The following SGO2 variants were observed in gnomAD, a reference collection of about 807,000 sequenced individuals.
SGO2 encodes the protein shugoshin-like 2.
A neutral mutation model predicts 99.5 loss-of-function variants in SGO2; 68 were observed. The observed-to-expected ratio is 0.68, with a 90% CI of 0.56 to 0.84. The LOEUF (loss-of-function observed/expected upper bound fraction) is 0.84, where lower values mean the gene tolerates loss of function less well. SGO2 is among the 40% of genes least tolerant of loss of function. The probability of loss-of-function intolerance (pLI) is 0.00; values close to 1 mark genes in which losing one functional copy is unlikely to be tolerated. For synonymous variants in SGO2, 457 were observed against 487.1 expected (o/e 0.94, Z 0.81); for missense variants, 1,350 against 1,436.7 (o/e 0.94, Z 0.97).
rs373801254 is a variant in SGO2, at chr2:200,574,058, G to A, written c.3631+81G>A. ...TTTCGTTTTTTACTTAGCCAGTGAA[G>A]TATTTTCTAACTGGTATTTTTATGG... On this transcript the variant is annotated intron_variant, in intron 7 of 8. Coordinates refer to ENST00000357799, the MANE Select transcript of SGO2 (RefSeq NM_152524.6). The A allele has an allele frequency of 2.3e-4, 252 of 1,104,402 alleles. 1 individual carries two copies. The African/African-American group carries it at 3.7e-3, about 16-fold the overall frequency. 68.4% of individuals were successfully genotyped at this position (1,104,402 alleles called of 1,614,324 possible). A position where few individuals can be genotyped will look rare whatever the true frequency, so the allele number is the denominator to read the frequency against.
In SGO2 at chr2:200,571,540, C is replaced by T. The variant is rs1392422812; in HGVS notation, c.1194C>T (p.Phe398=). Reference sequence around the variant, plus strand: ...CAAATGAACATGGAATGAAAACTTTCAGAAAAGTGAAAGATTCCAGCTCTG... The same window carrying T: ...CAAATGAACATGGAATGAAAACTTTTAGAAAAGTGAAAGATTCCAGCTCTG... ...KKTNEHGMKT[F]RKVKDSSSEK... Residue 398 remains phenylalanine, a synonymous_variant, in exon 7 of 9, where the codon TTC becomes TTT. Transcript: ENST00000357799. 6.2e-7 allele frequency: 1 copy of T among 1,612,082 alleles called. No individual in the cohort carries two copies. Among genetic ancestry groups the T allele is most frequent in the East Asian group, 2.2e-5 (1 of 44,846 alleles).
Position 200,532,979 on chromosome 2 carries a change from G to C in SGO2, c.4G>C (p.Glu2Gln). ...TTTTTTTTCTTTCACTTCAGTGATG[G>C]AGTGCCCAGTGATGGAAACTGGCTC... Reference protein sequence around the residue: MECPVMETGSLF... With the variant: MQCPVMETGSLF... The change falls in exon 2 of 9, where the codon GAG becomes CAG. Residue 2 changes from glutamate (E) to glutamine (Q), a missense_variant. Physicochemically the swap from Glu to Gln is conservative, Grantham distance 29. Transcript: ENST00000357799. 6.2e-7 allele frequency: 1 copy of C among 1,606,704 alleles called. No individual in the cohort carries two copies.
Position 200,571,631 on chromosome 2 carries a change from A to G in SGO2, c.1285A>G (p.Ile429Val), listed in dbSNP as rs1327286269. ...NSSDVDIGEK[I>V]ENRTERSDVL... is the part of the protein sequence containing the mutation. ...TTCAGATGTCGATATTGGGGAAAAG[A>G]TTGAAAACAGGACAGAAAGATCTGA... The change falls in exon 7 of 9, where the codon ATT becomes GTT. Residue 429 changes from isoleucine to valine, a missense_variant. By Grantham distance (29) the Ile-to-Val change is conservative. Transcript: ENST00000357799. 22 of 1,613,098 alleles carry G rather than the reference A, an allele frequency of 1.4e-5. No homozygotes were observed. Among genetic ancestry groups the G allele is most frequent in the Non-Finnish European group, 1.9e-5 (22 of 1,179,628 alleles).
rs1456939734 is a variant in SGO2, at chr2:200,526,377, T to C, written c.-3+125T>C. 6.6e-6 allele frequency: 1 copy of C among 152,292 alleles called. No homozygotes were observed. The highest frequency in any genetic ancestry group is 1.5e-5 in the Non-Finnish European group (1 of 68,092). 9.4% of individuals were successfully genotyped at this position (152,292 alleles called of 1,614,324 possible). A position where few individuals can be genotyped will look rare whatever the true frequency, so the allele number is the denominator to read the frequency against. On this transcript the variant is annotated intron_variant, in intron 1 of 8. Coordinates refer to ENST00000357799, the MANE Select transcript of SGO2 (RefSeq NM_152524.6). This position sits in a 1 kb window ranked among gnomAD's most constrained non-coding sequence, Gnocchi z 4.8. ...CCGGCTCGTCTTCCGCCCTCTGTCCTCCGGGATCCGGGACGGCGGCCCCTC... is the reference window on the plus strand; with the variant it reads ...CCGGCTCGTCTTCCGCCCTCTGTCCCCCGGGATCCGGGACGGCGGCCCCTC...
At chr2:200,576,040 G>A (rs947419776) in intron 8 of SGO2, 1 of 381,346 alleles carries the variant, frequency 2.6e-6, no homozygotes, top group South Asian at 2.0e-5. Flanking sequence ...AAAACACTTC[G>A]ATATATCTCT....
chr2:200,537,645 G>A lies in SGO2; in HGVS notation c.387+1503G>A, dbSNP rs1322379417. 3.9e-5 allele frequency among the ~76,000 whole-genome samples: 6 copies of A among 152,204 alleles called. No individual in the cohort carries two copies. In the South Asian group the frequency reaches 1.2e-3, roughly 32 times the overall value. ...AGTTTTGGGAATGCCTTATGACTCA[G>A]TTCTTGGACTTCTCTTTTCTATCTA... is the stretch of plus-strand genomic sequence containing the variant. On this transcript the variant is annotated intron_variant, in intron 4 of 8. Transcript: ENST00000357799.
chr2:200,564,105 T>G (rs1318364264), intron 5 of SGO2, among the ~76,000 whole-genome samples: 1 of 152,242 alleles, frequency 6.6e-6, no homozygotes, highest in East Asian at 1.9e-4. Context: ...TTTGCTAGCT[T>G]TTGAATGTGT....
rs1559219724 is a variant in SGO2, at chr2:200,573,951, A to G, written c.3605A>G (p.Asn1202Ser). 29 of 1,592,604 alleles carry G rather than the reference A, an allele frequency of 1.8e-5. No individual in the cohort carries two copies. Among genetic ancestry groups the G allele is most frequent in the Non-Finnish European group, 2.5e-5 (29 of 1,173,350 alleles). ...EKMNKMKFKV[N>S]RRTQKSGIGD... ...ATGAACAAGATGAAATTTAAAGTCAACCGGAGAACCCAAAAATCAGGAATA... is the reference window on the plus strand; with the variant it reads ...ATGAACAAGATGAAATTTAAAGTCAGCCGGAGAACCCAAAAATCAGGAATA... Residue 1202 changes from asparagine (N) to serine (S), a missense_variant, in exon 7 of 9, where the codon AAC (asparagine) becomes AGC (serine). By Grantham distance (46) the Asn-to-Ser change is conservative. Transcript: ENST00000357799.
At chr2:200,577,081 G>A (rs1006740321) in intron 8 of SGO2, among the ~76,000 whole-genome samples, 2 of 151,398 alleles carry the variant, frequency 1.3e-5, no homozygotes, top group African/African-American at 4.9e-5. Flanking sequence ...GAATTGCTGA[G>A]TCTGTTTAAT....
chr2:200,529,855 T>C (rs1487478424), intron 1 of SGO2, among the ~76,000 whole-genome samples: 1 of 152,216 alleles, frequency 6.6e-6, no homozygotes, highest in Admixed American at 6.5e-5. Context: ...GTGACCTCAC[T>C]GAGAGGGTGA....
intron 1 of SGO2, among the ~76,000 whole-genome samples, chr2:200,532,126 C>G (rs1017600576): frequency 6.6e-6 from 1 of 151,966 alleles, no homozygotes; most frequent in Non-Finnish European, 1.5e-5. Flanking sequence ...GAACGTGACC[C>G]AGGAGTTGAG....
intron 1 of SGO2, 90 bp from the exon 2 acceptor site, chr2:200,532,882 TAA>T (rs1351694268): frequency 6.3e-6 from 8 of 1,271,356 alleles, no homozygotes; most frequent in South Asian, 2.9e-5. Context: ...CAAAGTATAT[TAA>T]GTCATGATTG....
rs758432151 is a variant in SGO2 at position 200,573,174 on chromosome 2, TTAAAG to T, written c.2833_2837del (p.Val945Ter). 6.3e-7 allele frequency: 1 copy of T among 1,585,328 alleles called. No homozygotes were observed. Among genetic ancestry groups the T allele is most frequent in the Non-Finnish European group, 8.5e-7 (1 of 1,172,318 alleles). The stretch of plus-strand genomic sequence containing the variant: ...GAAAGCTATACAAAAGATCTTGATT[TTAAAG>T]TAAATAAATCTAAACAAAAACTTGA... On this transcript the variant is annotated frameshift_variant, in exon 7 of 9. Coordinates refer to ENST00000357799, the MANE Select transcript of SGO2 (RefSeq NM_152524.6). LOFTEE classifies it high-confidence loss of function.
intron 1 of SGO2, among the ~76,000 whole-genome samples, chr2:200,531,531 C>T (rs931773112): frequency 1.3e-5 from 2 of 151,748 alleles, no homozygotes; most frequent in Non-Finnish European, 2.9e-5. Flanking sequence ...GAGGGTGGTT[C>T]AAGAAGATGA....
At chr2:200,552,445 A>T (rs1371405244) in intron 5 of SGO2, among the ~76,000 whole-genome samples, 1 of 152,192 alleles carries the variant, frequency 6.6e-6, no homozygotes, top group Non-Finnish European at 1.5e-5. Context: ...TGGCTACTCC[A>T]TAAGCAGAGC....
At chr2:200,528,322 T>G (rs1210509052) in intron 1 of SGO2, among the ~76,000 whole-genome samples, 1 of 152,216 alleles carries the variant, frequency 6.6e-6, no homozygotes, top group Non-Finnish European at 1.5e-5. Flanking sequence ...TTCACGTAGC[T>G]ATAGCAAATA....
At chr2:200,527,326 A>G (rs1190690004) in intron 1 of SGO2, among the ~76,000 whole-genome samples, 1 of 152,170 alleles carries the variant, frequency 6.6e-6, no homozygotes, top group Non-Finnish European at 1.5e-5. Flanking sequence ...GTGAGATTTG[A>G]TATTCCAGAC....
intron 1 of SGO2, chr2:200,532,454 A>C (rs1223822776): frequency 3.1e-6 from 3 of 983,580 alleles, no homozygotes; most frequent in Non-Finnish European, 3.6e-6. Context: ...TCTCCTCTGC[A>C]TTGTGTATTG....
At chr2:200,542,728 T>TATATAAAA in intron 5 of SGO2, 64 bp downstream of exon 5, 1 of 1,374,226 alleles carries the variant, frequency 7.3e-7, no homozygotes, top group Non-Finnish European at 1.0e-6. Flanking sequence ...CAATTAGTGT[T>TATATAAAA]TGTGTGTATT....
Sources: gnomAD v4.1 joint callset for allele counts (sites outside exome capture counted in the v4.1 genomes callset) on GRCh38, gnomAD v4.1.1 for gene constraint, Gnocchi (gnomAD v3.1) non-coding constraint, MANE v1.5 for transcripts, NCBI Gene and HGNC (gene_info 2026-07-23, HGNC 2026-07-21) for gene names.